The following FYCO1 variants were observed in gnomAD, a reference collection of about 807,000 sequenced individuals.
FYCO1 encodes FYVE and coiled-coil domain-containing protein 1.
In FYCO1, 122 loss-of-function variants were observed where a neutral mutation model predicts 165.1. The ratio of observed to expected loss-of-function variants is 0.74; its 90% CI spans 0.64 to 0.86. The LOEUF (loss-of-function observed/expected upper bound fraction) is 0.86, where lower values mean the gene tolerates loss of function less well. Among genes scored for constraint, FYCO1 ranks in the 40% least tolerant of loss-of-function variants. The pLI is 0.00. For synonymous variants in FYCO1, 648 were observed against 742.5 expected (o/e 0.87, Z 2.07); for missense variants, 1,702 against 1,810.3 (o/e 0.94, Z 1.09).
At chr3:45,957,011 C>T (rs1199384037) in intron 13 of FYCO1, among the ~76,000 whole-genome samples, 4 of 152,118 alleles carry the variant, frequency 2.6e-5, no homozygotes, top group Non-Finnish European at 4.4e-5. Context: ...GTCATCATAA[C>T]AGTTTGGTAT....
At chr3:45,989,473 G>A (rs537326049) in intron 1 of FYCO1, among the ~76,000 whole-genome samples, 22 of 152,334 alleles carry the variant, frequency 1.4e-4, no homozygotes, top group African/African-American at 2.4e-5. Context: ...AGCTTCAAGA[G>A]GGTGGCTAGG....
intron 14 of FYCO1, chr3:45,938,221 G>T: frequency 7.8e-7 from 1 of 1,289,252 alleles, no homozygotes; most frequent in Non-Finnish European, 1.0e-6. Flanking sequence ...TCACAGAGCA[G>T]GTTTCCCAGA....
intron 1 of FYCO1, among the ~76,000 whole-genome samples, chr3:45,990,217 G>A (rs1559470487): frequency 6.6e-6 from 1 of 152,192 alleles, no homozygotes; most frequent in Non-Finnish European, 1.5e-5. Context: ...ACTTCTGTGT[G>A]CTAACAAACT....
rs1706255987 is a variant in FYCO1 at position 45,968,715 on chromosome 3, AAC to A, written c.631-14_631-13del. 1 of 1,614,092 alleles carries A rather than the reference AAC, an allele frequency of 6.2e-7. No homozygotes were observed. On this transcript the variant is annotated splice_polypyrimidine_tract_variant and intron_variant, in intron 7 of 17. Transcript: ENST00000296137. ...ACCATCTCTTGAGTCTGGGAGGGAA[AAC>A]ACAAAAGACAAGTGGCTTTAGGATG... is the stretch of plus-strand genomic sequence containing the variant.
chr3:45,921,652 G>T lies in FYCO1; in HGVS notation c.*113C>A. The T allele has an allele frequency of 1.3e-6, 1 of 778,778 alleles. No individual in the cohort carries two copies. Among genetic ancestry groups the T allele is most frequent in the Non-Finnish European group, 2.3e-6 (1 of 439,630 alleles). The allele number at this position is 778,778 out of a possible 1,614,324, so 48.2% of individuals were successfully genotyped here. A position where few individuals can be genotyped will look rare whatever the true frequency, so the allele number is the denominator to read the frequency against. ...GACACCGCCTCTGAGGGGCAGCCCAGGGGCTGAGTTGATGATTTTGGAGCA... is the reference window on the plus strand; with the variant it reads ...GACACCGCCTCTGAGGGGCAGCCCATGGGCTGAGTTGATGATTTTGGAGCA... On this transcript the variant is annotated 3_prime_UTR_variant, in exon 18 of 18. Transcript: ENST00000296137.
In FYCO1 at chr3:45,923,718, C is replaced by G; in HGVS notation, c.4299G>C (p.Gln1433His). The change falls in exon 17 of 18, where the codon CAG (glutamine) becomes CAC (histidine). Residue 1433 changes from glutamine (Q) to histidine (H), a missense_variant. Coordinates refer to ENST00000296137, the MANE Select transcript of FYCO1 (RefSeq NM_024513.4). The part of the protein sequence containing the change: ...TRCNSHKENI[Q>H]GQLKVRTPGI... ...CGGGTGTGCGAACCTTGAGCTGGCC[C>G]TGGATGTTCTCCTTGTGGGAGTTGC... 6.2e-7 allele frequency: 1 copy of G among 1,614,176 alleles called. No individual in the cohort carries two copies. The highest frequency in any genetic ancestry group is 8.5e-7 in the Non-Finnish European group (1 of 1,180,028).
At chr3:45,932,600 G>A (rs35477280) in intron 15 of FYCO1, among the ~76,000 whole-genome samples, 13,523 of 152,240 alleles carry the variant, frequency 0.089, 1,006 homozygotes, top group South Asian at 0.35. Flanking sequence ...AAAGAGGTTA[G>A]GTAACTTGCC....
intron 15 of FYCO1, among the ~76,000 whole-genome samples, chr3:45,936,213 T>C (rs1703878724): frequency 6.6e-6 from 1 of 152,216 alleles, no homozygotes; most frequent in Non-Finnish European, 1.5e-5. Context: ...GTGAGGGAAC[T>C]GTTCTATATC....
intron 12 of FYCO1, among the ~76,000 whole-genome samples, chr3:45,959,038 C>G (rs530044754): frequency 6.6e-6 from 1 of 152,356 alleles, no homozygotes; most frequent in East Asian, 1.9e-4. Flanking sequence ...GCCTGTGTTC[C>G]TCTAGTGAGG....
At position 45,967,557 on chromosome 3, in the gene FYCO1, T is replaced by A. The variant is rs753132369; in HGVS notation, c.1777A>T (p.Arg593Trp). ...EAWGKPEEEQ[R>W]GLQEAQLDDT... ...TCTAACTGTGCCTCCTGCAGGCCCC[T>A]CTGCTCCTCCTCTGGCTTCCCCCAG... Residue 593 changes from arginine to tryptophan, a missense_variant, in exon 8 of 18, where the codon AGG (arginine) becomes TGG (tryptophan). Coordinates refer to ENST00000296137, the MANE Select transcript of FYCO1 (RefSeq NM_024513.4). The A allele has an allele frequency of 1.9e-6, 3 of 1,614,012 alleles. No homozygotes were observed. The highest frequency in any genetic ancestry group is 1.7e-6 in the Non-Finnish European group (2 of 1,179,992).
At chr3:45,987,473 ACT>A (rs1707366372) in intron 1 of FYCO1, among the ~76,000 whole-genome samples, 1 of 152,194 alleles carries the variant, frequency 6.6e-6, no homozygotes, top group South Asian at 2.1e-4. Flanking sequence ...AGTGGTAGAC[ACT>A]CTGTGATGGC....
chr3:45,984,994 T>C lies in FYCO1; in HGVS notation c.-84A>G. 1 of 1,282,302 alleles carries C rather than the reference T, an allele frequency of 7.8e-7. No homozygotes were observed. The highest frequency in any genetic ancestry group is 1.1e-6 in the Non-Finnish European group (1 of 877,346). The allele number at this position is 1,282,302 out of a possible 1,614,324, so 79.4% of individuals were successfully genotyped here. ...ATTTCGGCCCTCGGTGGCTGTCTGC[T>C]CAGCAGTGGTCAGACTCCATGGTGG... On this transcript the variant is annotated 5_prime_UTR_variant, in exon 2 of 18. The change abolishes the stop of an existing upstream ORF in the 5' untranslated region. Coordinates refer to ENST00000296137, the MANE Select transcript of FYCO1 (RefSeq NM_024513.4).
chr3:45,962,087 A>T lies in FYCO1; in HGVS notation c.3437+138T>A. 2 of 928,034 alleles carry T rather than the reference A, an allele frequency of 2.2e-6. No homozygotes were observed. The highest frequency in any genetic ancestry group is 3.5e-6 in the Non-Finnish European group (2 of 571,300). 57.5% of individuals were successfully genotyped at this position (928,034 alleles called of 1,614,324 possible). ...TAGTACTGGGGAAAGTGAGATGGAG[A>T]AGGAGAGAGGGGCTCCTGAGACAGC... On this transcript the variant is annotated intron_variant, in intron 11 of 17. Transcript: ENST00000296137. This position sits in a 1 kb window ranked among gnomAD's most constrained non-coding sequence, Gnocchi z 4.4.
At chr3:45,970,282 G>A (rs1477964267) in intron 6 of FYCO1, among the ~76,000 whole-genome samples, 1 of 152,236 alleles carries the variant, frequency 6.6e-6, no homozygotes, top group Admixed American at 6.5e-5. Context: ...ACAAAGGCTT[G>A]TGTGATAACT....
intron 14 of FYCO1, 140 bp from the exon 15 acceptor site, chr3:45,936,683 G>T: frequency 1.4e-6 from 1 of 709,598 alleles, no homozygotes; most frequent in Non-Finnish European, 2.6e-6. Context: ...CCATGACAGA[G>T]ACCCTGGCAG....
intron 15 of FYCO1, 31 bp downstream of exon 15, chr3:45,936,417 G>T (rs764629141): frequency 1.3e-6 from 2 of 1,512,332 alleles, no homozygotes; most frequent in Middle Eastern, 1.7e-4. Flanking sequence ...TGCCACACCT[G>T]GGGAGGGCCC....
intron 17 of FYCO1, among the ~76,000 whole-genome samples, chr3:45,922,533 G>C (rs1487091748): frequency 6.6e-6 from 1 of 152,220 alleles, no homozygotes; most frequent in African/African-American, 2.4e-5. Context: ...GTTCAAGAGG[G>C]GCTGGGGCTC....
At chr3:45,982,351 A>G (rs1464299683) in intron 2 of FYCO1, among the ~76,000 whole-genome samples, 1 of 152,214 alleles carries the variant, frequency 6.6e-6, no homozygotes, top group Non-Finnish European at 1.5e-5. Flanking sequence ...GAAGTCTGCT[A>G]TGATTATCCC....
chr3:45,957,179 G>GA (rs1298791644), intron 13 of FYCO1, among the ~76,000 whole-genome samples: 6 of 152,210 alleles, frequency 3.9e-5, no homozygotes, highest in Non-Finnish European at 8.8e-5. Flanking sequence ...AATCAATGGT[G>GA]TTGAAATAAC....
Sources: gnomAD v4.1 joint callset for allele counts (sites outside exome capture counted in the v4.1 genomes callset) on GRCh38, gnomAD v4.1.1 for gene constraint, Gnocchi (gnomAD v3.1) non-coding constraint, MANE v1.5 for transcripts, NCBI Gene and HGNC (gene_info 2026-07-23, HGNC 2026-07-21) for gene names.